CFAP54: variants seen among roughly 807,000 people sequenced by gnomAD.
The protein encoded by CFAP54 is cilia and flagella associated protein 54.
A neutral mutation model predicts 370.4 loss-of-function variants in CFAP54; 290 were observed. That is an observed-to-expected ratio of 0.78 (90% CI 0.71 to 0.86). CFAP54 has a LOEUF of 0.86. Ranked by LOEUF, CFAP54 falls within the 40% of genes least tolerant of loss-of-function variation. CFAP54 has a pLI of 0.00. For synonymous variants in CFAP54, 1,206 were observed against 1,236.5 expected (o/e 0.98, Z 0.52); for missense variants, 3,399 against 3,528.7 (o/e 0.96, Z 0.93).
chr12:96,708,889 A>G, intron 48 of CFAP54, 86 bp downstream of exon 48: 1 of 1,067,446 alleles, frequency 9.4e-7, no homozygotes, highest in Non-Finnish European at 1.3e-6. Context: ...TATAAATGAT[A>G]CAGTATATAT....
chr12:96,672,378 C>T (rs770494011), intron 39 of CFAP54, among the ~76,000 whole-genome samples: 3 of 152,124 alleles, frequency 2.0e-5, no homozygotes, highest in African/African-American at 7.2e-5. Flanking sequence ...AAAGCATTCT[C>T]ATTGGGTACT....
At chr12:96,671,135 G>A (rs922021002) in intron 39 of CFAP54, among the ~76,000 whole-genome samples, 6 of 152,064 alleles carry the variant, frequency 3.9e-5, no homozygotes, top group Non-Finnish European at 7.4e-5. Context: ...ACCACGCCTG[G>A]CTAATTTTTA....
At chr12:96,683,033 A>T (rs1217370236) in intron 40 of CFAP54, among the ~76,000 whole-genome samples, 1 of 152,148 alleles carries the variant, frequency 6.6e-6, no homozygotes, top group Non-Finnish European at 1.5e-5. Context: ...CGATAGACCC[A>T]ATGTTCTCTT....
At chr12:96,681,005 C>T (rs1353637592) in intron 40 of CFAP54, among the ~76,000 whole-genome samples, 1 of 152,106 alleles carries the variant, frequency 6.6e-6, no homozygotes, top group Non-Finnish European at 1.5e-5. Flanking sequence ...ATCACTTGAA[C>T]CGGCGGGGCA....
chr12:96,526,286 T>C (rs1955380018), intron 8 of CFAP54, among the ~76,000 whole-genome samples: 1 of 152,162 alleles, frequency 6.6e-6, no homozygotes, highest in Non-Finnish European at 1.5e-5. Flanking sequence ...GCAGGAAGCA[T>C]GTGCAGGAAG....
intron 49 of CFAP54, among the ~76,000 whole-genome samples, chr12:96,719,445 G>A (rs903119962): frequency 6.6e-6 from 1 of 152,098 alleles, no homozygotes. Flanking sequence ...GCCATGTTAG[G>A]CTGCTATTTA....
At chr12:96,542,038 A>G (rs138909641) in intron 14 of CFAP54, among the ~76,000 whole-genome samples, 24 of 152,000 alleles carry the variant, frequency 1.6e-4, no homozygotes, top group Middle Eastern at 3.4e-3. Flanking sequence ...ACTATATTTC[A>G]TGGGGTGGGG....
At chr12:96,506,852 G>T (rs1955106999) in intron 3 of CFAP54, 76 bp from the exon 4 acceptor site, 7 of 1,325,674 alleles carry the variant, frequency 5.3e-6, no homozygotes, top group African/African-American at 1.5e-5. Flanking sequence ...CTCCCTAAGT[G>T]CTGGGATTAC....
intron 32 of CFAP54, among the ~76,000 whole-genome samples, chr12:96,638,435 G>A (rs1023706337): frequency 3.3e-5 from 5 of 150,500 alleles, no homozygotes; most frequent in African/African-American, 9.8e-5. Flanking sequence ...AGATGGCCTC[G>A]CTATGTTGCC....
chr12:96,757,728 G>A, intron 58 of CFAP54, 140 bp downstream of exon 58: 2 of 515,782 alleles, frequency 3.9e-6, no homozygotes, highest in South Asian at 6.3e-5. Context: ...AGTTACACTT[G>A]TAACTATGTT....
At chr12:96,611,941 G>A (rs904089323) in intron 26 of CFAP54, among the ~76,000 whole-genome samples, 1 of 152,202 alleles carries the variant, frequency 6.6e-6, no homozygotes, top group South Asian at 2.1e-4. Flanking sequence ...AAGTGACGGG[G>A]AGAATGGAAC....
At chr12:96,648,885 G>T (rs545232952) in intron 34 of CFAP54, among the ~76,000 whole-genome samples, 21 of 152,062 alleles carry the variant, frequency 1.4e-4, no homozygotes, top group Non-Finnish European at 2.4e-4. Context: ...ACTGCGCCCG[G>T]CCGAAAACAG....
At chr12:96,728,992 G>T (rs1401192316) in intron 50 of CFAP54, among the ~76,000 whole-genome samples, 6 of 152,204 alleles carry the variant, frequency 3.9e-5, no homozygotes, top group African/African-American at 1.4e-4. Flanking sequence ...TAGAACCGCG[G>T]ATTTTCATGA....
chr12:96,518,358 T>C (rs1310504458), intron 5 of CFAP54, among the ~76,000 whole-genome samples: 1 of 152,094 alleles, frequency 6.6e-6, no homozygotes, highest in Non-Finnish European at 1.5e-5. Flanking sequence ...GTTGACATGG[T>C]AAATGTTAAT....
At chr12:96,638,194 T>TA (rs763920897) in intron 32 of CFAP54, among the ~76,000 whole-genome samples, 95 of 140,696 alleles carry the variant, frequency 6.8e-4, no homozygotes, top group Non-Finnish European at 1.3e-3. Context: ...CATATATATA[T>TA]ATATATATGC....
In CFAP54 at chr12:96,698,615, G is replaced by A. The variant is rs117872960; in HGVS notation, c.6352-1356G>A. On this transcript the variant is annotated intron_variant, in intron 45 of 67. Transcript: ENST00000524981. ...TACCACATGTTCTCACTTATAAGCA[G>A]GAACTAAATATTAAGGACACATGGA... 1.2e-4 allele frequency among the ~76,000 whole-genome samples: 19 copies of A among 152,204 alleles called. No individual in the cohort carries two copies. In the East Asian group the frequency reaches 3.7e-3, roughly 29 times the overall value.
chr12:96,728,695 T>G (rs1362722184), intron 50 of CFAP54, among the ~76,000 whole-genome samples: 1 of 152,248 alleles, frequency 6.6e-6, no homozygotes, highest in Non-Finnish European at 1.5e-5. Context: ...TCATTCTCCG[T>G]CCAGCTTTGT....
chr12:96,501,728 T>G (rs1320058070), intron 2 of CFAP54, among the ~76,000 whole-genome samples: 1 of 152,226 alleles, frequency 6.6e-6, no homozygotes, highest in African/African-American at 2.4e-5. Context: ...TTCCCCTCTC[T>G]GTTTTCTGGA....
In CFAP54 at chr12:96,729,130, C is replaced by T. The variant is rs931193412; in HGVS notation, c.6965+8565C>T. ...GTTAGGCTGCTCGGGGGTCAGGGGT[C>T]GGGGACCCACTTGAGGAGGCAGTCT... is the stretch of plus-strand genomic sequence containing the variant. On this transcript the variant is annotated intron_variant, in intron 50 of 67. Transcript: ENST00000524981. Among the ~76,000 whole-genome samples, 78 of 151,970 alleles carry T rather than the reference C, an allele frequency of 5.1e-4. 1 individual carries two copies. Among genetic ancestry groups the T allele is most frequent in the African/African-American group, 1.6e-3 (67 of 41,280 alleles).
Sources: gnomAD v4.1 joint callset for allele counts (sites outside exome capture counted in the v4.1 genomes callset) on GRCh38, gnomAD v4.1.1 for gene constraint, MANE v1.5 for transcripts, NCBI Gene and HGNC (gene_info 2026-07-23, HGNC 2026-07-21) for gene names.